Variants in PPP3CB observed in about 807,000 individuals in gnomAD.
The protein encoded by PPP3CB is protein phosphatase 3 catalytic subunit beta.
PPP3CB carries 8 observed loss-of-function variants against 66.4 expected under a neutral mutation model. The observed-to-expected ratio is 0.12, with a 90% CI of 0.07 to 0.22. The LOEUF is 0.22. PPP3CB is among the 10% of genes least tolerant of loss of function. The pLI is 1.00. For missense variants in PPP3CB, 319 were observed against 642.5 expected, an observed-to-expected ratio of 0.50 and a Z score of 5.44; for synonymous variants, 208 against 221.2, an observed-to-expected ratio of 0.94 and a Z score of 0.53.
At chr10:73,457,260 GAAAAAAAAAAAAAAAAAA>G (rs35129439) in intron 9 of PPP3CB, among the ~76,000 whole-genome samples, 3 of 68,966 alleles carry the variant, frequency 4.3e-5, no homozygotes, top group Non-Finnish European at 8.7e-5. Flanking sequence ...CTCTAAAAAA[GAAAAAAAAAAAAAAAAAA>G]AAAAAAAAAA....
rs950806763 is a variant in PPP3CB at position 73,474,773 on chromosome 10, TGCTCG to T, written c.523+141_523+145del. 3.0e-5 allele frequency: 37 copies of T among 1,224,148 alleles called. No individual in the cohort carries two copies. In the African/African-American group the frequency reaches 5.4e-4, roughly 18 times the overall value. 75.8% of individuals were successfully genotyped at this position (1,224,148 alleles called of 1,614,324 possible). ...CTTAATACCATTAAACACCAGAGAG[TGCTCG>T]ACAACTTTCCTCAAAGCTTTATGTG... On this transcript the variant is annotated intron_variant, in intron 4 of 13. Coordinates refer to ENST00000360663, the MANE Select transcript of PPP3CB (RefSeq NM_021132.4).
intron 10 of PPP3CB, among the ~76,000 whole-genome samples, chr10:73,447,352 C>T (rs1436822801): frequency 6.6e-6 from 1 of 152,148 alleles, no homozygotes; most frequent in Non-Finnish European, 1.5e-5. Context: ...TAACTAAATC[C>T]TTGGCTGAAG....
chr10:73,453,806 CAA>C (rs1166884275), intron 10 of PPP3CB, among the ~76,000 whole-genome samples: 2 of 151,920 alleles, frequency 1.3e-5, no homozygotes, highest in African/African-American at 4.8e-5. Context: ...AATTTCAAAA[CAA>C]AATAAAATGA....
At chr10:73,478,662 C>T in intron 2 of PPP3CB, 39 bp from the exon 3 acceptor site, 1 of 1,573,478 alleles carries the variant, frequency 6.4e-7, no homozygotes, top group Non-Finnish European at 8.7e-7. Flanking sequence ...AAAAAAATCT[C>T]TAAAACAACA....
At position 73,471,579 on chromosome 10, in the gene PPP3CB, A is replaced by C. The variant is rs757401202; in HGVS notation, c.558T>G (p.Ala186=). ...KIKYSERVYE[A]CMEAFDSLPL... is the part of the protein sequence containing the mutation. ...GCAAACTATCAAAAGCTTCCATACAAGCTTCATAGACTCTTTCCGAATACT... is the reference window on the plus strand; with the variant it reads ...GCAAACTATCAAAAGCTTCCATACACGCTTCATAGACTCTTTCCGAATACT... The change falls in exon 5 of 14, where the codon GCT becomes GCG. Residue 186 remains alanine, a synonymous_variant. Transcript: ENST00000360663. 1 of 1,609,420 alleles carries C rather than the reference A, an allele frequency of 6.2e-7. No homozygotes were observed. The highest frequency in any genetic ancestry group is 1.7e-5 in the Admixed American group (1 of 59,274).
chr10:73,485,294 G>C (rs2056953447), intron 1 of PPP3CB, among the ~76,000 whole-genome samples: 1 of 152,142 alleles, frequency 6.6e-6, no homozygotes, highest in Admixed American at 6.5e-5. Context: ...TAGGAAGTTG[G>C]AAAAAGAAAC....
At chr10:73,486,964 A>C (rs1328747730) in intron 1 of PPP3CB, among the ~76,000 whole-genome samples, 1 of 152,146 alleles carries the variant, frequency 6.6e-6, no homozygotes, top group Non-Finnish European at 1.5e-5. Flanking sequence ...TGAGGTCAGG[A>C]GTTTCAGACC....
intron 10 of PPP3CB, 99 bp downstream of exon 10, chr10:73,454,313 G>A: frequency 1.6e-6 from 1 of 632,566 alleles, no homozygotes; most frequent in Non-Finnish European, 2.7e-6. Context: ...GTCTCTGAAA[G>A]CAATGACTAT....
At chr10:73,462,122 G>A (rs2056531192) in intron 9 of PPP3CB, among the ~76,000 whole-genome samples, 1 of 148,260 alleles carries the variant, frequency 6.7e-6, no homozygotes, top group Non-Finnish European at 1.5e-5. Flanking sequence ...GCAGAACCAC[G>A]AGCCAATTAA....
chr10:73,464,168 T>C (rs1377283652), intron 9 of PPP3CB, among the ~76,000 whole-genome samples: 4 of 152,022 alleles, frequency 2.6e-5, no homozygotes, highest in Non-Finnish European at 5.9e-5. Context: ...AACCTGATGA[T>C]CCACCCACCT....
chr10:73,451,393 G>A (rs1275168602), intron 10 of PPP3CB, among the ~76,000 whole-genome samples: 1 of 151,848 alleles, frequency 6.6e-6, no homozygotes, highest in African/African-American at 2.4e-5. Flanking sequence ...GAAAATAAGA[G>A]ACACCAGTTG....
intron 1 of PPP3CB, among the ~76,000 whole-genome samples, chr10:73,483,872 G>A (rs952804639): frequency 1.3e-5 from 2 of 151,226 alleles, no homozygotes; most frequent in African/African-American, 2.4e-5. Flanking sequence ...GGCCAGGTGC[G>A]GTGGTTCATG....
intron 1 of PPP3CB, 104 bp downstream of exon 1, chr10:73,495,701 T>C (rs2057194622): frequency 2.1e-6 from 3 of 1,449,822 alleles, no homozygotes; most frequent in Non-Finnish European, 2.7e-6. Flanking sequence ...AGCCAGTCAC[T>C]CGCCCGCCCT....
At chr10:73,446,449 C>T (rs745580576) in intron 11 of PPP3CB, 43 bp downstream of exon 11, 23 of 1,562,734 alleles carry the variant, frequency 1.5e-5, no homozygotes, top group Admixed American at 6.7e-5. Context: ...GTACAATAAA[C>T]GTAATTTCTG....
intron 11 of PPP3CB, among the ~76,000 whole-genome samples, chr10:73,445,111 C>T (rs183398904): frequency 6.6e-6 from 1 of 152,272 alleles, no homozygotes; most frequent in East Asian, 1.9e-4. Flanking sequence ...ATTTCATATG[C>T]TCTGAAGTTC....
chr10:73,445,694 A>G (rs925810374), intron 11 of PPP3CB, among the ~76,000 whole-genome samples: 2 of 150,674 alleles, frequency 1.3e-5, no homozygotes, highest in African/African-American at 4.9e-5. Context: ...TGGCCTCCCA[A>G]AGTGTTGGGA....
At position 73,484,901 on chromosome 10, in the gene PPP3CB, A is replaced by C. The variant is rs534794642; in HGVS notation, c.86-5384T>G. Among the ~76,000 whole-genome samples the C allele has an allele frequency of 2.7e-5, 4 of 150,240 alleles. No homozygotes were observed. In the South Asian group the frequency reaches 8.3e-4, roughly 31 times the overall value. On this transcript the variant is annotated intron_variant, in intron 1 of 13. Coordinates refer to ENST00000360663, the MANE Select transcript of PPP3CB (RefSeq NM_021132.4). ...ACCTTGTCTCTACTAAAAACCCCAA[A>C]ATTAGCCCGGGCATGGTGGTGCACA...
At chr10:73,452,192 C>A (rs2056357767) in intron 10 of PPP3CB, among the ~76,000 whole-genome samples, 1 of 152,084 alleles carries the variant, frequency 6.6e-6, no homozygotes, top group Non-Finnish European at 1.5e-5. Flanking sequence ...GGCTATGTGG[C>A]AATAATTACT....
At chr10:73,455,860 G>A (rs569990899) in intron 9 of PPP3CB, among the ~76,000 whole-genome samples, 70 of 152,262 alleles carry the variant, frequency 4.6e-4, no homozygotes, top group Non-Finnish European at 7.8e-4. Flanking sequence ...GTGAGCCACC[G>A]CGCCCAGCCT....
Sources: allele counts gnomAD v4.1 joint callset (sites outside exome capture counted in the v4.1 genomes callset), GRCh38; gene constraint gnomAD v4.1.1; transcripts MANE v1.5; gene names NCBI Gene and HGNC (gene_info 2026-07-23, HGNC 2026-07-21).